The following MYO10 variants were observed in gnomAD, a reference collection of about 807,000 sequenced individuals.
The protein encoded by MYO10 is unconventional myosin-X.
MYO10 carries 133 observed loss-of-function variants against 257.3 expected under a neutral mutation model. The ratio of observed to expected loss-of-function variants is 0.52; its 90% confidence interval spans 0.45 to 0.60. The LOEUF (loss-of-function observed/expected upper bound fraction) is 0.60. Ranked by LOEUF, MYO10 falls within the 20% of genes least tolerant of loss-of-function variation. The pLI is 0.00. For missense variants in MYO10, 2,399 were observed against 2,635.7 expected (o/e 0.91, Z 1.97); for synonymous variants, 1,104 against 1,028.6 (o/e 1.07, Z -1.40).
intron 17 of MYO10, 50 bp downstream of exon 17, chr5:16,761,414 C>T: frequency 7.1e-7 from 1 of 1,416,566 alleles, no homozygotes; most frequent in Non-Finnish European, 9.9e-7. Context: ...AGCATTTGCA[C>T]AAATATTCAT....
At chr5:16,857,678 A>T (rs115927944) in intron 2 of MYO10, among the ~76,000 whole-genome samples, 340 of 152,334 alleles carry the variant, frequency 2.2e-3, no homozygotes, top group African/African-American at 7.8e-3. Flanking sequence ...ACTGCCCCAC[A>T]GGTAGCAAGA....
At chr5:16,732,315 C>T (rs1302625285) in intron 19 of MYO10, among the ~76,000 whole-genome samples, 1 of 152,118 alleles carries the variant, frequency 6.6e-6, no homozygotes, top group African/African-American at 2.4e-5. Flanking sequence ...GTGAAGACAA[C>T]AGAAGGTTCA....
intron 19 of MYO10, among the ~76,000 whole-genome samples, chr5:16,740,079 AGAT>A (rs1739962280): frequency 6.6e-6 from 1 of 152,194 alleles, no homozygotes. Flanking sequence ...CCATCTGCAC[AGAT>A]GAGAGAAGAC....
Position 16,792,128 on chromosome 5 carries a change from C to CAG in MYO10, c.467+2517_467+2518insCT, listed in dbSNP as rs1317185804. On this transcript the variant is annotated intron_variant, in intron 4 of 40. Transcript: ENST00000513610. ...ACATACATACACACACACACACACA[C>CAG]ACACAGAGAGAGAGAGAGAGAGAGA... Among the ~76,000 whole-genome samples, 635 of 137,742 alleles carry CAG rather than the reference C, an allele frequency of 4.6e-3. 1 individual carries two copies. Among genetic ancestry groups the CAG allele is most frequent in the African/African-American group, 0.018 (609 of 34,728 alleles). 90.4% of individuals were successfully genotyped at this position (137,742 alleles called of 152,430 possible).
intron 33 of MYO10, among the ~76,000 whole-genome samples, chr5:16,678,653 C>T (rs565622821): frequency 6.6e-6 from 1 of 152,328 alleles, no homozygotes; most frequent in South Asian, 2.1e-4. Flanking sequence ...AGAGAACATA[C>T]CACTTTGGAA....
rs764766007 is a variant in MYO10, at chr5:16,701,126, T to C, written c.3269A>G (p.Asp1090Gly). 6.3e-7 allele frequency: 1 copy of C among 1,596,162 alleles called. No individual in the cohort carries two copies. The highest frequency in any genetic ancestry group is 2.3e-5 in the East Asian group (1 of 44,016). Residue 1090 changes from aspartate (D) to glycine (G), a missense_variant, in exon 25 of 41, where the codon GAC becomes GGC. By Grantham distance (94) the Asp-to-Gly change is moderately conservative. This residue lies in a region of MYO10 where 1,820 missense variants were observed against 1,939.4 expected (regional missense o/e 0.94). Transcript: ENST00000513610. This position sits in a 1 kb window ranked among gnomAD's most constrained non-coding sequence, Gnocchi z 8.1. ...GDLPSPDGDY[D>G]YDQDDYEDGA... Reference sequence around the variant, plus strand: ...GTCCTCATAGTCATCCTGGTCGTAGTCGTAGTCGCCGTCTGGGGAGGGCAA... The same window carrying C: ...GTCCTCATAGTCATCCTGGTCGTAGCCGTAGTCGCCGTCTGGGGAGGGCAA...
chr5:16,672,850 C>T (rs999995798), intron 36 of MYO10, 25 bp from the exon 37 acceptor site: 1 of 1,608,298 alleles, frequency 6.2e-7, no homozygotes, highest in African/African-American at 1.3e-5. Context: ...AGGGGGACTT[C>T]AGTTCCACAG....
At position 16,878,913 on chromosome 5, in the gene MYO10, C is replaced by A. The variant is rs139157001; in HGVS notation, c.22-1206G>T. On this transcript the variant is annotated intron_variant, in intron 1 of 40. Transcript: ENST00000513610. ...GTTCGGGTGATGGGTGCGCCAGAAT[C>A]TCAGAAATCACCACTGAATAACATA... is the stretch of plus-strand genomic sequence containing the variant. Among the ~76,000 whole-genome samples the A allele has an allele frequency of 2.3e-3, 354 of 151,708 alleles. 2 individuals carry two copies. The highest frequency in any genetic ancestry group is 8.2e-3 in the African/African-American group (340 of 41,330).
chr5:16,776,988 T>A (rs1741231936), intron 9 of MYO10, among the ~76,000 whole-genome samples: 1 of 151,994 alleles, frequency 6.6e-6, no homozygotes. Context: ...CAGAGACAAG[T>A]CTTTTTTTTT....
At chr5:16,670,451 C>G in intron 39 of MYO10, 75 bp downstream of exon 39, 1 of 1,338,894 alleles carries the variant, frequency 7.5e-7, no homozygotes, top group African/African-American at 1.5e-5. Flanking sequence ...CTTCTCTCCA[C>G]ATGAACTTGG....
intron 2 of MYO10, among the ~76,000 whole-genome samples, chr5:16,864,595 C>G (rs149953586): frequency 5.7e-4 from 87 of 152,298 alleles, no homozygotes; most frequent in African/African-American, 2.0e-3. Flanking sequence ...GGAGAAAGGA[C>G]AAGAGCGTGG....
intron 2 of MYO10, among the ~76,000 whole-genome samples, chr5:16,874,734 G>T (rs1744550545): frequency 6.6e-6 from 1 of 152,072 alleles, no homozygotes; most frequent in African/African-American, 2.4e-5. Context: ...ACATTTTCCT[G>T]TCTTCTTCTG....
chr5:16,854,855 A>C (rs1743914309), intron 2 of MYO10, among the ~76,000 whole-genome samples: 1 of 152,004 alleles, frequency 6.6e-6, no homozygotes, highest in Non-Finnish European at 1.5e-5. Context: ...AACATGGTGA[A>C]ACTCTATCTC....
chr5:16,773,430 A>G (rs1281674752), intron 9 of MYO10, among the ~76,000 whole-genome samples: 1 of 152,174 alleles, frequency 6.6e-6, no homozygotes, highest in Non-Finnish European at 1.5e-5. Context: ...TTCATCTATG[A>G]CAAGATATAT....
intron 19 of MYO10, among the ~76,000 whole-genome samples, chr5:16,720,827 G>A (rs1739127574): frequency 6.6e-6 from 1 of 152,110 alleles, no homozygotes; most frequent in African/African-American, 2.4e-5. Flanking sequence ...CATTCATATT[G>A]GGTCTGCAAC....
intron 19 of MYO10, among the ~76,000 whole-genome samples, chr5:16,738,640 C>A (rs1424170259): frequency 1.3e-4 from 20 of 151,972 alleles, no homozygotes; most frequent in Admixed American, 1.3e-3. Context: ...GGGCTGTAAT[C>A]CCAGAACTTT....
chr5:16,696,160 A>G (rs1225915161), intron 26 of MYO10, among the ~76,000 whole-genome samples: 1 of 152,106 alleles, frequency 6.6e-6, no homozygotes, highest in Non-Finnish European at 1.5e-5. Context: ...AATCTAATTG[A>G]TTAATTAGAT....
intron 19 of MYO10, among the ~76,000 whole-genome samples, chr5:16,747,926 AAAAAAAAAAAAAAAAAAAAAG>A (rs1471529859): frequency 2.5e-5 from 3 of 120,684 alleles, no homozygotes; most frequent in African/African-American, 1.2e-4. Flanking sequence ...CTCAAAAAAA[AAAAAAAAAAAAAAAAAAAAAG>A]AAAAAAAAAA....
intron 19 of MYO10, among the ~76,000 whole-genome samples, chr5:16,741,628 T>A (rs2126631931): frequency 6.6e-6 from 1 of 152,356 alleles, no homozygotes; most frequent in East Asian, 1.9e-4. Flanking sequence ...AAAAAATTTG[T>A]AGTTCAAACT....
Sources: allele counts gnomAD v4.1 joint callset (sites outside exome capture counted in the v4.1 genomes callset), GRCh38; gene constraint gnomAD v4.1.1; regional missense constraint gnomAD v4.1.1; non-coding constraint Gnocchi (gnomAD v3.1); transcripts MANE v1.5; gene names NCBI Gene and HGNC (gene_info 2026-07-23, HGNC 2026-07-21).